The following STAC2 variants were observed in gnomAD, a reference collection of about 807,000 sequenced individuals.
STAC2 encodes the protein SH3 and cysteine rich domain 2, also known as SH3 and cysteine-rich domain-containing protein 2.
In STAC2, 36 loss-of-function variants were observed where a neutral mutation model predicts 49.0. The observed-to-expected ratio is 0.74, with a 90% CI of 0.56 to 0.97. STAC2 has a LOEUF of 0.97. Ranked by LOEUF, STAC2 falls within the 50% of genes least tolerant of loss-of-function variation. STAC2 has a pLI of 0.00. For synonymous variants in STAC2, 239 were observed against 214.7 expected, an observed-to-expected ratio of 1.11 and a Z score of -0.99; for missense variants, 527 against 543.8, an observed-to-expected ratio of 0.97 and a Z score of 0.31.
At chr17:39,224,528 C>G (rs1481449550) in intron 1 of STAC2, among the ~76,000 whole-genome samples, 1 of 152,244 alleles carries the variant, frequency 6.6e-6, no homozygotes, top group Non-Finnish European at 1.5e-5. Flanking sequence ...CGGCGGCCTC[C>G]CCACACCCCT....
chr17:39,213,314 G>A (rs1597730401), intron 9 of STAC2, among the ~76,000 whole-genome samples, 182 bp from the exon 10 acceptor site: 1 of 152,310 alleles, frequency 6.6e-6, no homozygotes, highest in East Asian at 1.9e-4. Flanking sequence ...GTGAGCAGAG[G>A]GACAAAGCTG....
chr17:39,212,928 GCAGC>G, intron 10 of STAC2, 63 bp downstream of exon 10: 1 of 1,587,444 alleles, frequency 6.3e-7, no homozygotes, highest in South Asian at 1.1e-5. Flanking sequence ...CCCCCGCACC[GCAGC>G]CTGTCTCCCC....
chr17:39,224,670 T>A (rs766059899), intron 1 of STAC2, among the ~76,000 whole-genome samples: 1 of 152,192 alleles, frequency 6.6e-6, no homozygotes, highest in Non-Finnish European at 1.5e-5. Context: ...ACTTCTCTTT[T>A]TGCTTCTACC....
rs1189876197 is a variant in STAC2 at position 39,214,281 on chromosome 17, A to G, written c.893T>C (p.Val298Ala). Residue 298 changes from valine to alanine, a missense_variant, in exon 8 of 11, where the codon GTT (valine) becomes GCT (alanine). Val to Ala is a moderately conservative substitution (Grantham distance 64, BLOSUM62 0). Coordinates refer to ENST00000333461, the MANE Select transcript of STAC2 (RefSeq NM_198993.5). ...RKDVGPMYSY[V>A]ALYKFLPQEN... ...CTGGGGCAGAAACTTGTAGAGTGCA[A>G]CGTAGGAGTACATGGGCCCCACATC... 3.1e-6 allele frequency: 5 copies of G among 1,614,024 alleles called. No individual in the cohort carries two copies. Among genetic ancestry groups the G allele is most frequent in the Non-Finnish European group, 3.4e-6 (4 of 1,179,944 alleles).
intron 8 of STAC2, 111 bp from the exon 9 acceptor site, chr17:39,213,669 A>ATTTTTTTTTTTTT (rs1185929939): frequency 2.0e-6 from 1 of 490,770 alleles, no homozygotes; most frequent in African/African-American, 2.3e-5. Flanking sequence ...GGGAGAGACG[A>ATTTTTTTTTTTTT]TTCTTTTTTT....
rs772019477 is a variant in STAC2 at position 39,215,210 on chromosome 17, G to T, written c.607C>A (p.Pro203Thr). ...PPTGDSGKVD[P>T]VYETLRYGTS... ...CCATAGCGCAGGGTCTCGTAGACAG[G>T]GTCCACCTTCCCACTGTCCCCTGCA... Residue 203 changes from proline (P) to threonine (T), a missense_variant, in exon 5 of 11, where the codon CCT (proline) becomes ACT (threonine). Coordinates refer to ENST00000333461, the MANE Select transcript of STAC2 (RefSeq NM_198993.5). 1.9e-6 allele frequency: 3 copies of T among 1,613,874 alleles called. No homozygotes were observed. The highest frequency in any genetic ancestry group is 2.7e-5 in the African/African-American group (2 of 74,880).
At chr17:39,224,995 G>A (rs1192228477) in intron 1 of STAC2, among the ~76,000 whole-genome samples, 1 of 152,164 alleles carries the variant, frequency 6.6e-6, no homozygotes, top group African/African-American at 2.4e-5. Flanking sequence ...CAGACACGCA[G>A]GTTGTAGAGA....
rs548692908 is a variant in STAC2, at chr17:39,220,968, T to C, written c.91-2795A>G. Among the ~76,000 whole-genome samples the C allele has an allele frequency of 1.7e-4, 26 of 150,128 alleles. No homozygotes were observed. In the Middle Eastern group the frequency reaches 0.011, roughly 63 times the overall value. ...CCCGCCACCACGCCTGGCTAATTTT[T>C]TGTATTTTTAGTAGAGACGGGGTTT... On this transcript the variant is annotated intron_variant, in intron 1 of 10. Transcript: ENST00000333461.
intron 1 of STAC2, among the ~76,000 whole-genome samples, chr17:39,219,800 G>T (rs1001333224): frequency 1.3e-5 from 2 of 152,222 alleles, no homozygotes; most frequent in Non-Finnish European, 2.9e-5. Flanking sequence ...CCCGTTGAGA[G>T]GCGGCTTACC....
In STAC2 at chr17:39,213,070, G is replaced by A. The variant is rs548912469; in HGVS notation, c.1056C>T (p.Gly352=). Residue 352 remains glycine (G), a synonymous_variant, in exon 10 of 11, where the codon GGC becomes GGT. Transcript: ENST00000333461. ...PANFVQRVRP[G]ENVWRCCQPF... is the part of the protein sequence containing the mutation. ...GTTGGCAGCAGCGCCAAACATTCTC[G>A]CCTGGCCTCACCCGTTGCACAAAAT... 4.3e-6 allele frequency: 7 copies of A among 1,613,434 alleles called. No homozygotes were observed. The highest frequency in any genetic ancestry group is 2.7e-5 in the African/African-American group (2 of 75,036).
At chr17:39,219,321 G>A (rs953797186) in intron 1 of STAC2, among the ~76,000 whole-genome samples, 2 of 151,818 alleles carry the variant, frequency 1.3e-5, no homozygotes, top group Non-Finnish European at 2.9e-5. Flanking sequence ...TGACATGTTT[G>A]TCCTCTTCTC....
At chr17:39,224,087 A>G (rs2046487454) in intron 1 of STAC2, among the ~76,000 whole-genome samples, 1 of 151,744 alleles carries the variant, frequency 6.6e-6, no homozygotes, top group Non-Finnish European at 1.5e-5. Context: ...CCTCTGCCAG[A>G]CTCCACCCTG....
intron 1 of STAC2, among the ~76,000 whole-genome samples, chr17:39,224,375 C>G (rs2046490650): frequency 6.6e-6 from 1 of 152,174 alleles, no homozygotes; most frequent in African/African-American, 2.4e-5. Flanking sequence ...AGGGCGCGCC[C>G]TTGGCACAGC....
intron 1 of STAC2, among the ~76,000 whole-genome samples, chr17:39,222,297 C>T (rs1435278730): frequency 1.3e-5 from 2 of 152,182 alleles, no homozygotes; most frequent in Non-Finnish European, 2.9e-5. Flanking sequence ...GTACCGGAGG[C>T]CTCTGGAACA....
chr17:39,220,234 A>G (rs968871033), intron 1 of STAC2, among the ~76,000 whole-genome samples: 8 of 152,082 alleles, frequency 5.3e-5, no homozygotes, highest in Non-Finnish European at 7.4e-5. Context: ...TGAGAACACA[A>G]AACTCAGCCC....
chr17:39,217,871 G>A lies in STAC2; in HGVS notation c.393C>T (p.Ile131=), dbSNP rs774755292. The change falls in exon 2 of 11, where the codon ATC becomes ATT. Residue 131 remains isoleucine (I), a synonymous_variant. Transcript: ENST00000333461. ...ASPCELCHQL[I]VGNSKQGLRC... ...CCTCAGTGCCCAGGCACCTACCTAC[G>A]ATGAGCTGGTGGCACAGCTCACAAG... 52 of 1,601,670 alleles carry A rather than the reference G, an allele frequency of 3.2e-5. No homozygotes were observed. Among genetic ancestry groups the A allele is most frequent in the African/African-American group, 9.4e-5 (7 of 74,614 alleles).
chr17:39,214,115 G>A (rs2046379110), intron 8 of STAC2, 118 bp downstream of exon 8: 8 of 1,174,204 alleles, frequency 6.8e-6, no homozygotes, highest in Non-Finnish European at 7.4e-6. Flanking sequence ...TCCAGCTCCT[G>A]TCTGGGCTCA....
rs765121907 is a variant in STAC2, at chr17:39,217,964, G to A, written c.300C>T (p.Arg100=). The A allele has an allele frequency of 3.8e-6, 6 of 1,593,688 alleles. No individual in the cohort carries two copies. In the Admixed American group the frequency reaches 7.0e-5, roughly 19 times the overall value. The part of the protein sequence containing the change: ...TPSPSPCPVP[R]PLAALKPVRL... ...TCACTGGTTTGAGCGCTGCCAGGGG[G>A]CGTGGGACTGGGCATGGGGAGGGGG... Residue 100 remains arginine, a synonymous_variant, in exon 2 of 11, where the codon CGC becomes CGT. Coordinates refer to ENST00000333461, the MANE Select transcript of STAC2 (RefSeq NM_198993.5).
chr17:39,215,306 G>T, intron 4 of STAC2, 76 bp from the exon 5 acceptor site: 6 of 1,474,868 alleles, frequency 4.1e-6, no homozygotes, highest in South Asian at 1.1e-5. Flanking sequence ...GCATGCCCCA[G>T]GCTGAGCTTC....
Sources: allele counts gnomAD v4.1 joint callset (sites outside exome capture counted in the v4.1 genomes callset), GRCh38; gene constraint gnomAD v4.1.1; transcripts MANE v1.5; gene names NCBI Gene and HGNC (gene_info 2026-07-23, HGNC 2026-07-21).